Variants in ADAMTS13 observed in about 807,000 individuals in gnomAD.
ADAMTS13 encodes A disintegrin and metalloproteinase with thrombospondin motifs 13.
Under a neutral mutation model 155.1 loss-of-function variants are expected in ADAMTS13, and 110 were observed. That is an observed-to-expected ratio of 0.71 (90% CI 0.61 to 0.83). The LOEUF (loss-of-function observed/expected upper bound fraction) is 0.83, where lower values mean the gene tolerates loss of function less well. Among genes scored for constraint, ADAMTS13 ranks in the 40% least tolerant of loss-of-function variants. The pLI is 0.00. For synonymous variants in ADAMTS13, 758 were observed against 756.4 expected, an observed-to-expected ratio of 1.00 and a Z score of -0.03; for missense variants, 1,707 against 1,891.7, an observed-to-expected ratio of 0.90 and a Z score of 1.81.
chr9:133,421,564 G>T (rs1311537111), upstream of ADAMTS13, among the ~76,000 whole-genome samples: 1 of 152,204 alleles, frequency 6.6e-6, no homozygotes, highest in Non-Finnish European at 1.5e-5. Flanking sequence ...TGTCTGCCTG[G>T]CTTGGGGCTG....
chr9:133,458,757 G>A (rs1025320135), intron 28 of ADAMTS13, among the ~76,000 whole-genome samples: 7 of 152,180 alleles, frequency 4.6e-5, no homozygotes, highest in Non-Finnish European at 1.0e-4. Flanking sequence ...AGAGGAGGCA[G>A]CCTGGCCCCG....
At position 133,433,709 on chromosome 9, in the gene ADAMTS13, G is replaced by T; in HGVS notation, c.1308+5G>T. 1 of 1,612,946 alleles carries T rather than the reference G, an allele frequency of 6.2e-7. No homozygotes were observed. Among genetic ancestry groups the T allele is most frequent in the Non-Finnish European group, 8.5e-7 (1 of 1,179,988 alleles). The stretch of plus-strand genomic sequence containing the variant: ...GCCGAGATGTGCAACACTCAGGTAG[G>T]CCTGCTTCCTGGGGTAGGAGGGGGC... On this transcript the variant is annotated splice_donor_5th_base_variant and intron_variant, in intron 11 of 28. Transcript: ENST00000355699.
rs377143536 is a variant in ADAMTS13, at chr9:133,430,017, T to G, written c.903T>G (p.Pro301=). Reference sequence around the variant, plus strand: ...CGGGGCACCCGCCGGATGCGCAGCCTGGCCTCTACTACAGCGCCAACGAGC... The same window carrying G: ...CGGGGCACCCGCCGGATGCGCAGCCGGGCCTCTACTACAGCGCCAACGAGC... ...GSAGHPPDAQ[P]GLYYSANEQC... Residue 301 remains proline, a synonymous_variant, in exon 8 of 29, where the codon CCT becomes CCG. Coordinates refer to ENST00000355699, the MANE Select transcript of ADAMTS13 (RefSeq NM_139027.6). 37 of 1,587,894 alleles carry G rather than the reference T, an allele frequency of 2.3e-5. No individual in the cohort carries two copies. Among genetic ancestry groups the G allele is most frequent in the Non-Finnish European group, 3.1e-5 (36 of 1,172,462 alleles).
intron 11 of ADAMTS13, among the ~76,000 whole-genome samples, chr9:133,434,864 C>T (rs1187469220): frequency 1.3e-5 from 2 of 152,224 alleles, no homozygotes; most frequent in African/African-American, 2.4e-5. Flanking sequence ...AGACATGCCA[C>T]GTACCTGAGG....
At chr9:133,447,776 T>G (rs655911) in intron 21 of ADAMTS13, among the ~76,000 whole-genome samples, 2 of 151,414 alleles carry the variant, frequency 1.3e-5, no homozygotes, top group African/African-American at 2.4e-5. Flanking sequence ...TTTATTTTAT[T>G]AGAGAGGGGG....
At position 133,436,947 on chromosome 9, in the gene ADAMTS13, A is replaced by G. The variant is rs782410985; in HGVS notation, c.1427A>G (p.His476Arg). 1 of 1,596,828 alleles carries G rather than the reference A, an allele frequency of 6.3e-7. No homozygotes were observed. Among genetic ancestry groups the G allele is most frequent in the South Asian group, 1.1e-5 (1 of 88,044 alleles). ...SFYHWGAAVPHSQGDALCRHM... is the reference protein window; with the variant it reads ...SFYHWGAAVPRSQGDALCRHM... ...TACCACTGGGGTGCTGCTGTACCACACAGCCAAGGTGGGGCCTGCGGAGTG... is the reference window on the plus strand; with the variant it reads ...TACCACTGGGGTGCTGCTGTACCACGCAGCCAAGGTGGGGCCTGCGGAGTG... The change falls in exon 12 of 29, where the codon CAC (histidine) becomes CGC (arginine). Residue 476 changes from histidine (H) to arginine (R), a missense_variant. His to Arg is a conservative substitution (Grantham distance 29). Coordinates refer to ENST00000355699, the MANE Select transcript of ADAMTS13 (RefSeq NM_139027.6).
chr9:133,430,957 G>T (rs1356092855), intron 8 of ADAMTS13, among the ~76,000 whole-genome samples: 1 of 144,908 alleles, frequency 6.9e-6, no homozygotes, highest in East Asian at 2.0e-4. Flanking sequence ...ACAGCGCCCC[G>T]CCAAGTCTTT....
chr9:133,438,470 C>T, intron 14 of ADAMTS13, 104 bp downstream of exon 14: 3 of 1,526,300 alleles, frequency 2.0e-6, no homozygotes, highest in Admixed American at 1.9e-5. Flanking sequence ...AGGGCCTGCA[C>T]ACTCACTCAG....
At chr9:133,435,977 C>CTT (rs781795173) in intron 11 of ADAMTS13, among the ~76,000 whole-genome samples, 8 of 128,370 alleles carry the variant, frequency 6.2e-5, no homozygotes, top group South Asian at 2.6e-4. Flanking sequence ...CTTTTCTCTT[C>CTT]TTTTTTTTTT....
At chr9:133,438,682 GGC>G (rs1841433236) in intron 14 of ADAMTS13, among the ~76,000 whole-genome samples, 1 of 152,168 alleles carries the variant, frequency 6.6e-6, no homozygotes, top group Non-Finnish European at 1.5e-5. Flanking sequence ...GGGAGGCTGA[GGC>G]GGGTGGATCA....
At chr9:133,452,665 G>A (rs1554794656) in intron 23 of ADAMTS13, among the ~76,000 whole-genome samples, 2 of 152,026 alleles carry the variant, frequency 1.3e-5, no homozygotes, top group African/African-American at 4.8e-5. Flanking sequence ...CACCTCTTGG[G>A]CCACTGAGCC....
rs930182557 is a variant in ADAMTS13 at position 133,445,129 on chromosome 9, C to T, written c.2610+77C>T. ...CTGGGAGAACGAGGAGCACCCATTG[C>T]CACCGTCCTCCAGGCCAGAGCAAGA... On this transcript the variant is annotated intron_variant, in intron 20 of 28. Coordinates refer to ENST00000355699, the MANE Select transcript of ADAMTS13 (RefSeq NM_139027.6). This position sits in a 1 kb window ranked among gnomAD's most constrained non-coding sequence, Gnocchi z 5.0. 1 of 1,473,426 alleles carries T rather than the reference C, an allele frequency of 6.8e-7. No homozygotes were observed. The highest frequency in any genetic ancestry group is 9.2e-7 in the Non-Finnish European group (1 of 1,084,702). 91.3% of individuals were successfully genotyped at this position (1,473,426 alleles called of 1,614,324 possible).
rs997669445 is a variant in ADAMTS13 at position 133,430,817 on chromosome 9, C to T, written c.987+716C>T. On this transcript the variant is annotated intron_variant, in intron 8 of 28. Transcript: ENST00000355699. ...CTGGGACTACAGGCGCCCGCCACCA[C>T]GCCTGGCTAATTTTTTGTATTTTTA... Among the ~76,000 whole-genome samples the T allele has an allele frequency of 1.1e-4, 16 of 151,202 alleles. No homozygotes were observed. In the South Asian group the frequency reaches 1.3e-3, roughly 12 times the overall value.
In ADAMTS13 at chr9:133,432,570, A is replaced by T; in HGVS notation, c.988-18A>T. 1 of 1,548,784 alleles carries T rather than the reference A, an allele frequency of 6.5e-7. No homozygotes were observed. The highest frequency in any genetic ancestry group is 8.7e-7 in the Non-Finnish European group (1 of 1,146,430). The stretch of plus-strand genomic sequence containing the variant: ...CTGGTGGCCCCTGAGCTCGCCACCC[A>T]CCTGTCCACCCTCCTAGGATATGTG... On this transcript the variant is annotated intron_variant, in intron 8 of 28. Transcript: ENST00000355699.
At position 133,429,862 on chromosome 9, in the gene ADAMTS13, G is replaced by T. The variant is rs782022887; in HGVS notation, c.825-77G>T. 1.2e-4 allele frequency: 182 copies of T among 1,519,470 alleles called. No homozygotes were observed. The Middle Eastern group carries it at 1.7e-3, about 14-fold the overall frequency. 94.1% of individuals were successfully genotyped at this position (1,519,470 alleles called of 1,614,324 possible). On this transcript the variant is annotated intron_variant, in intron 7 of 28. Coordinates refer to ENST00000355699, the MANE Select transcript of ADAMTS13 (RefSeq NM_139027.6). ...CACGCTTCCAAACGCTTCCATCCTCGTGCCCACTCCTCCGTCCCGCCTCCT... is the reference window on the plus strand; with the variant it reads ...CACGCTTCCAAACGCTTCCATCCTCTTGCCCACTCCTCCGTCCCGCCTCCT...
upstream of ADAMTS13, chr9:133,417,536 T>A (rs1056736849): frequency 3.8e-5 from 55 of 1,431,864 alleles, no homozygotes; most frequent in Admixed American, 1.1e-4. Flanking sequence ...TACAGGTCTT[T>A]TGGGGCTACC....
At position 133,456,205 on chromosome 9, in the gene ADAMTS13, C is replaced by A. The variant is rs1554795914; in HGVS notation, c.3537C>A (p.Asn1179Lys). 1 of 1,613,566 alleles carries A rather than the reference C, an allele frequency of 6.2e-7. No homozygotes were observed. Among genetic ancestry groups the A allele is most frequent in the Non-Finnish European group, 8.5e-7 (1 of 1,180,044 alleles). Residue 1179 changes from asparagine to lysine, a missense_variant, in exon 26 of 29, where the codon AAC becomes AAA. Asn to Lys is a moderately conservative substitution (Grantham distance 94). This residue lies in a region of ADAMTS13 where 961 missense variants were observed against 1,107.9 expected (regional missense o/e 0.87). Transcript: ENST00000355699. The surrounding 1 kb of genome is among the most constrained non-coding windows in gnomAD (Gnocchi z 4.4). ...TCCGCGTCCTTGAGAGTTCTCTCAA[C>A]TGCAGTGCGGGTATGTCTAGGGCCA... is the stretch of plus-strand genomic sequence containing the variant. ...VTLRVLESSLNCSAGDMLLLW... is the reference protein window; with the variant it reads ...VTLRVLESSLKCSAGDMLLLW...
intron 1 of ADAMTS13, among the ~76,000 whole-genome samples, chr9:133,416,621 G>A (rs1393749281): frequency 6.6e-6 from 1 of 152,192 alleles, no homozygotes; most frequent in East Asian, 1.9e-4. Context: ...TGACGCACGT[G>A]GAAGAGTGTC....
Position 133,433,638 on chromosome 9 carries a change from C to T in ADAMTS13, c.1245-3C>T, listed in dbSNP as rs36219902. On this transcript the variant is annotated splice_polypyrimidine_tract_variant and splice_region_variant and intron_variant, in intron 10 of 28. Transcript: ENST00000355699. The stretch of plus-strand genomic sequence containing the variant: ...CACCCTCCTGTCTGCTGGGCATTTT[C>T]AGACCTGCCTTTGGGGGGCGTGCAT... 1.7e-3 allele frequency: 2,736 copies of T among 1,614,036 alleles called. 3 individuals carry two copies. The highest frequency in any genetic ancestry group is 2.2e-3 in the Non-Finnish European group (2,614 of 1,180,002).
Sources: allele counts gnomAD v4.1 joint callset (sites outside exome capture counted in the v4.1 genomes callset), GRCh38; gene constraint gnomAD v4.1.1; regional missense constraint gnomAD v4.1.1; non-coding constraint Gnocchi (gnomAD v3.1); transcripts MANE v1.5; gene names NCBI Gene and HGNC (gene_info 2026-07-23, HGNC 2026-07-21).